ALAS1: variants seen among roughly 807,000 people sequenced by gnomAD.
The protein encoded by ALAS1 is 5-aminolevulinate synthase, non-specific, mitochondrial.
In ALAS1, 29 loss-of-function variants were observed where a neutral mutation model predicts 59.6. The observed-to-expected ratio is 0.49, with a 90% CI of 0.36 to 0.66. ALAS1 has a LOEUF of 0.66. Among genes scored for constraint, ALAS1 ranks in the 30% least tolerant of loss-of-function variants. The pLI is 0.00. For missense variants in ALAS1, 690 were observed against 807.5 expected (o/e 0.85, Z 1.76); for synonymous variants, 299 against 296.6 (o/e 1.01, Z -0.08).
In ALAS1 at chr3:52,198,163, C is replaced by T. The variant is rs969303026; in HGVS notation, c.-302C>T. On this transcript the variant is annotated 5_prime_UTR_variant, in exon 1 of 12. Transcript: ENST00000484952. ...AGGCGCCGGCGATCGCGGCCTGAGG[C>T]TGCTCCCGGACAAGGGCAACGAGCG... is the stretch of plus-strand genomic sequence containing the variant. 2.5e-6 allele frequency: 1 copy of T among 398,560 alleles called. No individual in the cohort carries two copies. The highest frequency in any genetic ancestry group is 4.4e-6 in the Non-Finnish European group (1 of 225,938). The allele number at this position is 398,560 out of a possible 1,614,324, so 24.7% of individuals were successfully genotyped here. A position where few individuals can be genotyped will look rare whatever the true frequency, so the allele number is the denominator to read the frequency against.
chr3:52,205,692 G>T, intron 6 of ALAS1, 147 bp from the exon 7 acceptor site: 1 of 703,812 alleles, frequency 1.4e-6, no homozygotes, highest in East Asian at 2.9e-5. Context: ...GATGAAATCA[G>T]TTGAAATTTC....
At chr3:52,199,053 C>G (rs568005929) in intron 2 of ALAS1, among the ~76,000 whole-genome samples, 157 bp from the exon 3 acceptor site, 19 of 152,208 alleles carry the variant, frequency 1.2e-4, no homozygotes, top group African/African-American at 3.6e-4. Flanking sequence ...GTCACCATTC[C>G]TTAGCTCACA....
Position 52,208,118 on chromosome 3 carries a change from G to A in ALAS1, c.1201G>A (p.Ala401Thr). 3.7e-6 allele frequency: 6 copies of A among 1,605,748 alleles called. No homozygotes were observed. Among genetic ancestry groups the A allele is most frequent in the Non-Finnish European group, 3.4e-6 (4 of 1,175,736 alleles). Reference sequence around the variant, plus strand: ...CCCACTGGAAGAGCTGTGTGATGTGGCCCATGAGTTTGGAGCAATCACCTT... The same window carrying A: ...CCCACTGGAAGAGCTGTGTGATGTGACCCATGAGTTTGGAGCAATCACCTT... The part of the protein sequence containing the change: ...VCPLEELCDV[A>T]HEFGAITFVD... Residue 401 changes from alanine (A) to threonine (T), a missense_variant, in exon 9 of 12, where the codon GCC becomes ACC. Ala to Thr is a moderately conservative substitution (Grantham distance 58). Transcript: ENST00000484952.
intron 6 of ALAS1, 69 bp downstream of exon 6, chr3:52,204,984 G>A (rs1699264706): frequency 2.2e-6 from 3 of 1,365,538 alleles, no homozygotes; most frequent in Admixed American, 3.5e-5. Context: ...TATAGGGGTT[G>A]GATCTTTTAT....
rs768475681 is a variant in ALAS1 at position 52,212,299 on chromosome 3, A to G, written c.1641A>G (p.Leu547=). 1.2e-6 allele frequency: 2 copies of G among 1,614,098 alleles called. No homozygotes were observed. The highest frequency in any genetic ancestry group is 1.7e-6 in the Non-Finnish European group (2 of 1,180,002). The stretch of plus-strand genomic sequence containing the variant: ...AAAACACAGAAGTCTGTGATGAACT[A>G]ATGAGCAGACATAACATCTACGTGC... ...AAKNTEVCDE[L]MSRHNIYVQA... is the part of the protein sequence containing the mutation. The change falls in exon 11 of 12, where the codon CTA becomes CTG. Residue 547 remains leucine, a synonymous_variant. Transcript: ENST00000484952.
chr3:52,209,878 C>T (rs1355592031), intron 9 of ALAS1, among the ~76,000 whole-genome samples: 2 of 152,052 alleles, frequency 1.3e-5, no homozygotes, highest in Admixed American at 1.3e-4. Flanking sequence ...CGGGGTTTCA[C>T]CATGTTGGCC....
chr3:52,206,131 A>G (rs764048383), intron 7 of ALAS1, 108 bp downstream of exon 7: 2 of 1,068,804 alleles, frequency 1.9e-6, no homozygotes, highest in Non-Finnish European at 2.7e-6. Context: ...GAAAATCATA[A>G]TCCTATCTGG....
At position 52,206,101 on chromosome 3, in the gene ALAS1, C is replaced by T. The variant is rs987760684; in HGVS notation, c.985+78C>T. ...ACAAGAATATTGGCAACAAAGAAGC[C>T]TTACCAGAACCTCTCAATTGAAAAT... is the stretch of plus-strand genomic sequence containing the variant. On this transcript the variant is annotated intron_variant, in intron 7 of 11. Transcript: ENST00000484952. 3 of 1,306,892 alleles carry T rather than the reference C, an allele frequency of 2.3e-6. No homozygotes were observed. In the African/African-American group the frequency reaches 4.5e-5, roughly 19 times the overall value. 81.0% of individuals were successfully genotyped at this position (1,306,892 alleles called of 1,614,324 possible).
intron 8 of ALAS1, among the ~76,000 whole-genome samples, chr3:52,207,230 A>C (rs1007055353): frequency 2.0e-5 from 3 of 151,760 alleles, no homozygotes; most frequent in East Asian, 1.9e-4. Context: ...GTCTCGATCT[A>C]CTGACCTTGT....
Position 52,205,918 on chromosome 3 carries a change from G to C in ALAS1, c.880G>C (p.Glu294Gln), listed in dbSNP as rs779360458. The C allele has an allele frequency of 2.5e-6, 4 of 1,614,178 alleles. No individual in the cohort carries two copies. Among genetic ancestry groups the C allele is most frequent in the South Asian group, 1.1e-5 (1 of 91,086 alleles). The stretch of plus-strand genomic sequence containing the variant: ...AACTAGTAAATTCCATGTGGACTTA[G>C]AGCGGGAGCTGGCAGACCTCCATGG... The part of the protein sequence containing the change: ...SGTSKFHVDL[E>Q]RELADLHGKD... The change falls in exon 7 of 12, where the codon GAG (glutamate) becomes CAG (glutamine). Residue 294 changes from glutamate to glutamine, a missense_variant. By Grantham distance (29) the Glu-to-Gln change is conservative. Transcript: ENST00000484952.
At chr3:52,198,881 C>T in intron 2 of ALAS1, 33 bp downstream of exon 2, 1 of 1,535,182 alleles carries the variant, frequency 6.5e-7, no homozygotes, top group Non-Finnish European at 8.7e-7. Flanking sequence ...CACTGTGCAT[C>T]TCCCTAAGAA....
At chr3:52,211,578 G>T (rs374350421) in intron 10 of ALAS1, 27 bp downstream of exon 10, 1 of 1,609,366 alleles carries the variant, frequency 6.2e-7, no homozygotes, top group Non-Finnish European at 8.5e-7. Context: ...GATTGGACTT[G>T]CCGTGGGGTG....
intron 11 of ALAS1, among the ~76,000 whole-genome samples, chr3:52,213,789 T>C (rs950922820): frequency 6.6e-6 from 1 of 152,264 alleles, no homozygotes; most frequent in African/African-American, 2.4e-5. Flanking sequence ...TCATCCATGC[T>C]GTAGCATTCA....
At chr3:52,206,799 C>T (rs751352924) in intron 8 of ALAS1, 48 bp downstream of exon 8, 52 of 1,563,002 alleles carry the variant, frequency 3.3e-5, no homozygotes, top group Non-Finnish European at 3.9e-5. Flanking sequence ...AAAAACTATG[C>T]CTGAACTCTT....
intron 9 of ALAS1, among the ~76,000 whole-genome samples, chr3:52,208,612 A>T (rs1463979574): frequency 6.6e-6 from 1 of 152,202 alleles, no homozygotes; most frequent in Non-Finnish European, 1.5e-5. Context: ...TGTTAGGTTC[A>T]GGTGTTGTGA....
intron 9 of ALAS1, 80 bp from the exon 10 acceptor site, chr3:52,211,203 G>A (rs1477618961): frequency 7.3e-6 from 11 of 1,514,504 alleles, no homozygotes; most frequent in Non-Finnish European, 9.9e-6. Context: ...TCAGTGCTTT[G>A]AGGCTCCACA....
chr3:52,204,709 G>C lies in ALAS1; in HGVS notation c.594G>C (p.Gln198His). 1.9e-6 allele frequency: 3 copies of C among 1,613,920 alleles called. No individual in the cohort carries two copies. The highest frequency in any genetic ancestry group is 2.5e-6 in the Non-Finnish European group (3 of 1,179,966). ...DNLPKSVSTF[Q>H]YDRFFEKKID... ...AATTTTTAGCTGTTTCCACTTTTCA[G>C]TATGATCGTTTCTTTGAGAAAAAAA... The change falls in exon 6 of 12, where the codon CAG (glutamine) becomes CAC (histidine). Residue 198 changes from glutamine (Q) to histidine (H), a missense_variant. Physicochemically the swap from Gln to His is conservative, Grantham distance 24. Transcript: ENST00000484952.
intron 11 of ALAS1, 95 bp from the exon 12 acceptor site, chr3:52,213,925 A>G (rs937702009): frequency 5.2e-6 from 6 of 1,151,200 alleles, no homozygotes; most frequent in African/African-American, 1.6e-5. Flanking sequence ...TAATGCTGCT[A>G]TGAACATTTG....
chr3:52,204,644 G>A, intron 5 of ALAS1, 49 bp from the exon 6 acceptor site: 1 of 1,520,136 alleles, frequency 6.6e-7, no homozygotes, highest in Non-Finnish European at 9.0e-7. Flanking sequence ...CCAAAATGCA[G>A]CTGTGTTTCA....
Sources: allele counts gnomAD v4.1 joint callset (sites outside exome capture counted in the v4.1 genomes callset), GRCh38; gene constraint gnomAD v4.1.1; transcripts MANE v1.5; gene names NCBI Gene and HGNC (gene_info 2026-07-23, HGNC 2026-07-21).